The following TSHZ2 variants were observed in gnomAD, a reference collection of about 807,000 sequenced individuals.
TSHZ2 encodes the protein teashirt zinc finger homeobox 2, also known as teashirt homolog 2.
Under a neutral mutation model 74.4 loss-of-function variants are expected in TSHZ2, and 21 were observed. That is an observed-to-expected ratio of 0.28 (90% CI 0.20 to 0.41). TSHZ2 has a LOEUF of 0.41. Among genes scored for constraint, TSHZ2 ranks in the 10% least tolerant of loss-of-function variants. TSHZ2 has a pLI of 1.00. For missense variants in TSHZ2, 1,244 were observed against 1,293.5 expected (o/e 0.96, Z 0.59); for synonymous variants, 540 against 515.3 (o/e 1.05, Z -0.65).
At chr20:53,469,045 T>TTATATATATATATATATATGTATA (rs1985656441) in intron 2 of TSHZ2, among the ~76,000 whole-genome samples, 2 of 49,126 alleles carry the variant, frequency 4.1e-5, no homozygotes, top group African/African-American at 5.8e-5. Flanking sequence ...AATCGATATT[T>TTATATATATATATATATATGTATA]TATATATATA....
intron 1 of TSHZ2, among the ~76,000 whole-genome samples, chr20:53,040,277 A>G (rs1208802577): frequency 6.6e-6 from 1 of 152,204 alleles, no homozygotes; most frequent in East Asian, 1.9e-4. Flanking sequence ...GAAGAAGCAC[A>G]AAAGTCCTGG....
At chr20:53,372,265 C>A (rs1237931266) in intron 2 of TSHZ2, among the ~76,000 whole-genome samples, 2 of 152,114 alleles carry the variant, frequency 1.3e-5, no homozygotes, top group African/African-American at 4.8e-5. Flanking sequence ...CACTTGAGGT[C>A]AGAAGTTTGC....
At chr20:53,157,784 T>C (rs963753707) in intron 1 of TSHZ2, among the ~76,000 whole-genome samples, 1 of 152,212 alleles carries the variant, frequency 6.6e-6, no homozygotes, top group Non-Finnish European at 1.5e-5. Flanking sequence ...TTGAGTGTTC[T>C]TCATGTATTT....
intron 1 of TSHZ2, among the ~76,000 whole-genome samples, chr20:53,025,376 T>A (rs1983402104): frequency 6.6e-6 from 1 of 152,206 alleles, no homozygotes; most frequent in African/African-American, 2.4e-5. Context: ...TTTAGTGACT[T>A]CATTTAAATG....
At chr20:53,394,211 G>A (rs1199790533) in intron 2 of TSHZ2, among the ~76,000 whole-genome samples, 5 of 152,132 alleles carry the variant, frequency 3.3e-5, no homozygotes, top group Admixed American at 6.6e-5. Flanking sequence ...GTATGTAAAA[G>A]GTGGTCAATG....
At chr20:53,221,873 A>G (rs569880489) in intron 1 of TSHZ2, among the ~76,000 whole-genome samples, 121 of 152,306 alleles carry the variant, frequency 7.9e-4, no homozygotes, top group African/African-American at 2.7e-3. Context: ...AAATTATAAT[A>G]CTTTACTGGG....
intron 1 of TSHZ2, among the ~76,000 whole-genome samples, chr20:53,227,626 C>A (rs952630320): frequency 5.3e-5 from 8 of 152,054 alleles, no homozygotes; most frequent in African/African-American, 1.9e-4. Flanking sequence ...TTTTTAGTAG[C>A]TGCTTATTTT....
chr20:52,973,625 C>T (rs1981215641), intron 1 of TSHZ2, among the ~76,000 whole-genome samples: 1 of 152,194 alleles, frequency 6.6e-6, no homozygotes, highest in South Asian at 2.1e-4. Flanking sequence ...TCTTGCCTCT[C>T]GGGCCAAAGT....
chr20:53,401,299 A>G (rs968163837), intron 2 of TSHZ2: 2 of 152,240 alleles, frequency 1.3e-5, no homozygotes, highest in African/African-American at 2.4e-5. Flanking sequence ...TCAATCAACA[A>G]TAGGCTGCAC....
chr20:53,085,848 G>A (rs1319043201), intron 1 of TSHZ2, among the ~76,000 whole-genome samples: 5 of 152,138 alleles, frequency 3.3e-5, no homozygotes, highest in East Asian at 1.9e-4. Context: ...GTAATCCCAC[G>A]CAGGGCTCAG....
intron 1 of TSHZ2, among the ~76,000 whole-genome samples, chr20:53,039,111 T>G (rs896090766): frequency 7.2e-6 from 1 of 138,902 alleles, no homozygotes; most frequent in Non-Finnish European, 1.5e-5. Flanking sequence ...GTCTCGAACT[T>G]CCAACCTCAG....
chr20:53,353,316 A>G (rs1398105313), intron 2 of TSHZ2, among the ~76,000 whole-genome samples: 3 of 152,168 alleles, frequency 2.0e-5, no homozygotes, highest in African/African-American at 7.2e-5. Flanking sequence ...CTTGGCCCCT[A>G]GCTATTCAAG....
intron 1 of TSHZ2, among the ~76,000 whole-genome samples, chr20:53,108,390 T>TATTCCAC (rs1986439861): frequency 6.6e-6 from 1 of 152,250 alleles, no homozygotes; most frequent in African/African-American, 2.4e-5. Context: ...GAAAGGCTTG[T>TATTCCAC]ATTCCACATT....
intron 1 of TSHZ2, among the ~76,000 whole-genome samples, chr20:53,109,806 G>C (rs2186058): frequency 0.44 from 66,812 of 151,854 alleles, 15,221 homozygotes; most frequent in East Asian, 0.58. Flanking sequence ...TCCTTCCCAA[G>C]CTCTGTGATG....
intron 1 of TSHZ2, among the ~76,000 whole-genome samples, chr20:53,113,949 AG>A (rs750075808): frequency 3.9e-5 from 6 of 152,074 alleles, no homozygotes; most frequent in Non-Finnish European, 8.8e-5. Flanking sequence ...CCATATAGTC[AG>A]GGCACGGTGG....
intron 2 of TSHZ2, among the ~76,000 whole-genome samples, chr20:53,339,383 G>A (rs558182972): frequency 1.3e-5 from 2 of 152,216 alleles, no homozygotes; most frequent in African/African-American, 4.8e-5. Context: ...GTATTTTCTG[G>A]TGGTCAAGGG....
intron 1 of TSHZ2, among the ~76,000 whole-genome samples, chr20:53,075,373 T>C (rs543831122): frequency 4.6e-5 from 7 of 152,322 alleles, no homozygotes; most frequent in African/African-American, 1.7e-4. Context: ...TCAACAGATA[T>C]TTTCATCATT....
At chr20:53,220,201 A>T (rs1989522019) in intron 1 of TSHZ2, among the ~76,000 whole-genome samples, 1 of 152,232 alleles carries the variant, frequency 6.6e-6, no homozygotes, top group Non-Finnish European at 1.5e-5. Context: ...CAGATTTTAA[A>T]CTTTCATTTT....
At chr20:52,980,730 T>C (rs1463621372) in intron 1 of TSHZ2, among the ~76,000 whole-genome samples, 1 of 152,244 alleles carries the variant, frequency 6.6e-6, no homozygotes, top group Non-Finnish European at 1.5e-5. Flanking sequence ...AATGCTTTAC[T>C]GGATCATGAA....
Sources: allele counts gnomAD v4.1 joint callset (sites outside exome capture counted in the v4.1 genomes callset), GRCh38; gene constraint gnomAD v4.1.1; transcripts MANE v1.5; gene names NCBI Gene and HGNC (gene_info 2026-07-23, HGNC 2026-07-21).